Variants in SCN10A observed in about 807,000 individuals in gnomAD.
SCN10A encodes sodium channel protein type 10 subunit alpha.
Under a neutral mutation model 170.7 loss-of-function variants are expected in SCN10A, and 162 were observed. That is an observed-to-expected ratio of 0.95 (90% CI 0.84 to 1.08). The LOEUF (loss-of-function observed/expected upper bound fraction) is 1.08, where lower values mean the gene tolerates loss of function less well. Among genes scored for constraint, SCN10A ranks in the 50% least tolerant of loss-of-function variants. The pLI, the probability that SCN10A is intolerant of heterozygous loss-of-function variation, is 0.00. For synonymous variants in SCN10A, 985 were observed against 904.6 expected, an observed-to-expected ratio of 1.09 and a Z score of -1.59; for missense variants, 2,527 against 2,436.9, an observed-to-expected ratio of 1.04 and a Z score of -0.78.
chr3:38,699,632 T>C (rs1426194883), intron 27 of SCN10A, among the ~76,000 whole-genome samples: 2 of 152,246 alleles, frequency 1.3e-5, no homozygotes, highest in African/African-American at 2.4e-5. Context: ...TTTTGGATTA[T>C]AAAATCTTTG....
chr3:38,779,652 C>T (rs1189254305), intron 4 of SCN10A, among the ~76,000 whole-genome samples: 1 of 151,942 alleles, frequency 6.6e-6, no homozygotes, highest in Non-Finnish European at 1.5e-5. Context: ...CATGCTGTGA[C>T]TTATTCCCTG....
chr3:38,800,432 T>C (rs2064364249), intron 1 of SCN10A, among the ~76,000 whole-genome samples: 1 of 152,206 alleles, frequency 6.6e-6, no homozygotes, highest in Non-Finnish European at 1.5e-5. Context: ...GTTGTCCCTT[T>C]GAGAAGCACT....
Position 38,752,314 on chromosome 3 carries a change from G to A in SCN10A, c.1660C>T (p.Leu554Phe). 1 of 1,611,098 alleles carries A rather than the reference G, an allele frequency of 6.2e-7. No individual in the cohort carries two copies. The highest frequency in any genetic ancestry group is 8.5e-7 in the Non-Finnish European group (1 of 1,178,722). Residue 554 changes from leucine (L) to phenylalanine (F), a missense_variant, in exon 12 of 28, where the codon CTT becomes TTT. Coordinates refer to ENST00000449082, the MANE Select transcript of SCN10A (RefSeq NM_006514.4). Reference sequence around the variant, plus strand: ...GAGTCAGGGTTGCTGGGTTGAGGAAGAGGGCTTCTAGGGAGGGGGCCTTGC... The same window carrying A: ...GAGTCAGGGTTGCTGGGTTGAGGAAAAGGGCTTCTAGGGAGGGGGCCTTGC... ...GQQGPLPRSP[L>F]PQPSNPDSRH...
chr3:38,760,431 G>A (rs974655708), intron 8 of SCN10A, among the ~76,000 whole-genome samples: 2 of 152,242 alleles, frequency 1.3e-5, no homozygotes, highest in African/African-American at 4.8e-5. Context: ...AGTCCAAAAT[G>A]CTGATGCACA....
intron 15 of SCN10A, among the ~76,000 whole-genome samples, chr3:38,736,963 G>GTGTTTT (rs1553618224): frequency 2.1e-5 from 1 of 46,686 alleles, no homozygotes; most frequent in Non-Finnish European, 3.6e-5. Context: ...AGAAATGTTC[G>GTGTTTT]TTTTTTTTTT....
At chr3:38,723,401 T>C (rs2063415593) in intron 19 of SCN10A, 29 bp downstream of exon 19, 3 of 1,613,534 alleles carry the variant, frequency 1.9e-6, no homozygotes, top group East Asian at 2.2e-5. Context: ...TTAACATCAG[T>C]GTGAGGGGGC....
intron 5 of SCN10A, 45 bp downstream of exon 5, chr3:38,771,234 C>A: frequency 1.9e-6 from 3 of 1,603,006 alleles, no homozygotes; most frequent in South Asian, 2.3e-5. Flanking sequence ...ACCATTTTGT[C>A]CCCTCTCCTA....
chr3:38,782,324 T>A (rs955563436), intron 4 of SCN10A, among the ~76,000 whole-genome samples: 8 of 151,968 alleles, frequency 5.3e-5, no homozygotes, highest in Admixed American at 3.3e-4. Context: ...GGCGGTAAAA[T>A]GCCTTTATTC....
intron 1 of SCN10A, among the ~76,000 whole-genome samples, chr3:38,807,831 G>C (rs1443879079): frequency 6.6e-6 from 1 of 151,994 alleles, no homozygotes; most frequent in Non-Finnish European, 1.5e-5. Flanking sequence ...TAAACATGTA[G>C]ACTCTCCCTC....
intron 5 of SCN10A, among the ~76,000 whole-genome samples, chr3:38,765,929 T>C (rs1396250665): frequency 2.6e-5 from 4 of 152,146 alleles, no homozygotes; most frequent in Admixed American, 6.5e-5. Context: ...GTAGAAATCT[T>C]TCACCTTTTT....
intron 26 of SCN10A, among the ~76,000 whole-genome samples, chr3:38,704,094 G>A (rs1269018151): frequency 1.3e-5 from 2 of 152,216 alleles, no homozygotes; most frequent in African/African-American, 4.8e-5. Flanking sequence ...CTATGAGGGA[G>A]GAAGAGAAGA....
At chr3:38,728,271 T>C (rs2063477794) in intron 16 of SCN10A, among the ~76,000 whole-genome samples, 1 of 152,222 alleles carries the variant, frequency 6.6e-6, no homozygotes, top group Non-Finnish European at 1.5e-5. Context: ...TTAAGTCTCT[T>C]GCCTGGGGTC....
At chr3:38,786,023 G>C (rs1260600440) in intron 4 of SCN10A, among the ~76,000 whole-genome samples, 1 of 152,154 alleles carries the variant, frequency 6.6e-6, no homozygotes, top group African/African-American at 2.4e-5. Context: ...CTTTTACACT[G>C]TTGGTGGGAG....
chr3:38,739,314 A>C (rs1376455101), intron 15 of SCN10A, among the ~76,000 whole-genome samples: 1 of 152,134 alleles, frequency 6.6e-6, no homozygotes, highest in Non-Finnish European at 1.5e-5. Context: ...AGGCCCAGAA[A>C]GGAGAAGGCA....
At chr3:38,710,942 T>C (rs755234769) in intron 23 of SCN10A, 45 bp from the exon 24 acceptor site, 1 of 1,550,452 alleles carries the variant, frequency 6.4e-7, no homozygotes, top group Non-Finnish European at 8.9e-7. Context: ...CCCATCCATC[T>C]ATACTGGACC....
chr3:38,803,474 A>G (rs953145310), intron 1 of SCN10A, among the ~76,000 whole-genome samples: 2 of 152,164 alleles, frequency 1.3e-5, no homozygotes, highest in African/African-American at 4.8e-5. Flanking sequence ...GCAGCCATAA[A>G]AAAGGATGAT....
At chr3:38,749,520 T>C (rs935856894) in intron 13 of SCN10A, among the ~76,000 whole-genome samples, 1 of 152,212 alleles carries the variant, frequency 6.6e-6, no homozygotes. Context: ...CTGGGGAGAC[T>C]GAGTGGATTC....
chr3:38,734,044 C>T (rs1034762210), intron 15 of SCN10A, among the ~76,000 whole-genome samples: 2 of 148,246 alleles, frequency 1.3e-5, no homozygotes, highest in Non-Finnish European at 3.0e-5. Context: ...TTCAATGAGA[C>T]GGAGTCTCGC....
At chr3:38,760,867 C>A in intron 7 of SCN10A, 120 bp from the exon 8 acceptor site, 1 of 772,792 alleles carries the variant, frequency 1.3e-6, no homozygotes, top group South Asian at 1.6e-5. Flanking sequence ...TACATGTACT[C>A]AGTGGGCATG....
Sources: gnomAD v4.1 joint callset for allele counts (sites outside exome capture counted in the v4.1 genomes callset) on GRCh38, gnomAD v4.1.1 for gene constraint, MANE v1.5 for transcripts, NCBI Gene and HGNC (gene_info 2026-07-23, HGNC 2026-07-21) for gene names.